Variants in ERP44 observed in about 807,000 individuals in gnomAD.
ERP44 encodes endoplasmic reticulum protein 44, also known as endoplasmic reticulum resident protein 44.
A neutral mutation model predicts 53.4 loss-of-function variants in ERP44; 25 were observed. The observed-to-expected ratio is 0.47, with a 90% CI of 0.34 to 0.65. The LOEUF is 0.65. Ranked by LOEUF, ERP44 falls within the 30% of genes least tolerant of loss-of-function variation. The pLI is 0.01. For missense variants in ERP44, 338 were observed against 493.2 expected (o/e 0.69, Z 2.98); for synonymous variants, 145 against 161.2 (o/e 0.90, Z 0.76).
At chr9:100,020,508 A>G (rs1830576285) in intron 6 of ERP44, 108 bp downstream of exon 6, 1 of 640,838 alleles carries the variant, frequency 1.6e-6, no homozygotes, top group African/African-American at 1.8e-5. Context: ...TTTTAAAAGG[A>G]TTGAGATCAT....
intron 10 of ERP44, chr9:99,998,271 C>G: frequency 3.0e-6 from 1 of 338,680 alleles, no homozygotes; most frequent in East Asian, 7.3e-5. Flanking sequence ...TACCCTCGCT[C>G]GTCCACGGAG....
intron 4 of ERP44, among the ~76,000 whole-genome samples, chr9:100,050,058 C>CA (rs1352303233): frequency 1.4e-5 from 2 of 145,584 alleles, no homozygotes; most frequent in African/African-American, 5.0e-5. Context: ...AAAACCCAGA[C>CA]AAAAAAAACC....
chr9:100,080,510 C>G (rs552311542), intron 1 of ERP44, among the ~76,000 whole-genome samples: 27 of 152,074 alleles, frequency 1.8e-4, no homozygotes, highest in Admixed American at 1.1e-3. Context: ...AAGATACATT[C>G]TGTCCTGCAA....
intron 11 of ERP44, among the ~76,000 whole-genome samples, chr9:99,983,235 A>G (rs886221459): frequency 3.9e-5 from 6 of 152,232 alleles, no homozygotes; most frequent in African/African-American, 1.4e-4. Context: ...TACCAAGAGC[A>G]GACAAAAATA....
At chr9:100,028,322 C>T (rs115443871) in intron 4 of ERP44, among the ~76,000 whole-genome samples, 276 of 152,274 alleles carry the variant, frequency 1.8e-3, no homozygotes, top group African/African-American at 6.3e-3. Flanking sequence ...AGAACCTGGT[C>T]CCACCAGGGG....
intron 1 of ERP44, among the ~76,000 whole-genome samples, chr9:100,068,358 GCCGCC>G: frequency 7.4e-6 from 1 of 135,642 alleles, no homozygotes. Context: ...CGCCCGGCCA[GCCGCC>G]CCGTCCGGGA....
chr9:100,010,783 C>T (rs901114841), intron 8 of ERP44, among the ~76,000 whole-genome samples: 1 of 151,754 alleles, frequency 6.6e-6, no homozygotes, highest in African/African-American at 2.4e-5. Context: ...CGCCTGTAAT[C>T]CCAGCTACTC....
chr9:100,034,939 ATCT>A (rs1294977804), intron 4 of ERP44, among the ~76,000 whole-genome samples: 1 of 152,160 alleles, frequency 6.6e-6, no homozygotes, highest in Non-Finnish European at 1.5e-5. Context: ...CAACCACCTG[ATCT>A]TCTACAAAAT....
rs991485294 is a variant in ERP44 at position 100,018,421 on chromosome 9, A to G, written c.588-108T>C. 12 of 708,600 alleles carry G rather than the reference A, an allele frequency of 1.7e-5. No individual in the cohort carries two copies. In the African/African-American group the frequency reaches 2.1e-4, roughly 13 times the overall value. 43.9% of individuals were successfully genotyped at this position (708,600 alleles called of 1,614,324 possible). ...CCATCATCTTCCCTATTACAAGACT[A>G]TGCAATACCAAGAAAAGTATACATT... On this transcript the variant is annotated intron_variant, in intron 6 of 11. Coordinates refer to ENST00000262455, the MANE Select transcript of ERP44 (RefSeq NM_015051.3).
chr9:100,047,915 A>G (rs1378660211), intron 4 of ERP44, among the ~76,000 whole-genome samples: 2 of 152,220 alleles, frequency 1.3e-5, no homozygotes, highest in African/African-American at 4.8e-5. Context: ...CTGATTTTAA[A>G]ATGGGCAAAG....
At chr9:100,063,087 A>AAAAAAAAAAAAAAAAAAAAAAAAAAAAC (rs1342665956) in intron 1 of ERP44, among the ~76,000 whole-genome samples, 1 of 148,518 alleles carries the variant, frequency 6.7e-6, no homozygotes, top group Non-Finnish European at 1.5e-5. Flanking sequence ...AAAAAAAAAA[A>AAAAAAAAAAAAAAAAAAAAAAAAAAAAC]AAAAAAGAGA....
chr9:100,051,258 C>CA (rs1376283376), intron 4 of ERP44, among the ~76,000 whole-genome samples: 10 of 152,178 alleles, frequency 6.6e-5, no homozygotes, highest in African/African-American at 2.4e-4. Context: ...CAGAAAAGAG[C>CA]AAATGAAGGC....
At chr9:100,000,426 A>T (rs1171511554) in intron 10 of ERP44, among the ~76,000 whole-genome samples, 2 of 127,136 alleles carry the variant, frequency 1.6e-5, no homozygotes, top group African/African-American at 6.8e-5. Context: ...ATAAAGCAAG[A>T]TCCTGTATCA....
intron 4 of ERP44, among the ~76,000 whole-genome samples, chr9:100,035,588 T>C (rs2118678832): frequency 6.6e-6 from 1 of 152,130 alleles, no homozygotes; most frequent in South Asian, 2.1e-4. Context: ...GGCAGGAGAA[T>C]TGCTTGAACC....
chr9:100,090,301 G>A (rs555946072), intron 1 of ERP44, among the ~76,000 whole-genome samples: 18 of 152,324 alleles, frequency 1.2e-4, no homozygotes, highest in African/African-American at 3.6e-4. Context: ...CAAAGGAACT[G>A]AGGATGTGCA....
chr9:100,040,118 C>G lies in ERP44; in HGVS notation c.286+12299G>C, dbSNP rs571382556. Among the ~76,000 whole-genome samples, 11 of 152,244 alleles carry G rather than the reference C, an allele frequency of 7.2e-5. No homozygotes were observed. In the South Asian group the frequency reaches 2.3e-3, roughly 32 times the overall value. On this transcript the variant is annotated intron_variant, in intron 4 of 11. Coordinates refer to ENST00000262455, the MANE Select transcript of ERP44 (RefSeq NM_015051.3). ...TAAGGAAGAACTGATACCAATCCTACTCAAACTATTCCAAAAAACAAAGGA... is the reference window on the plus strand; with the variant it reads ...TAAGGAAGAACTGATACCAATCCTAGTCAAACTATTCCAAAAAACAAAGGA...
At chr9:100,081,945 CAGTT>C (rs530750390) in intron 1 of ERP44, among the ~76,000 whole-genome samples, 435 of 152,046 alleles carry the variant, frequency 2.9e-3, no homozygotes, top group South Asian at 4.6e-3. Flanking sequence ...ACACCACAAA[CAGTT>C]AGAGACTGTG....
At chr9:100,050,539 A>G (rs1186150616) in intron 4 of ERP44, among the ~76,000 whole-genome samples, 2 of 152,244 alleles carry the variant, frequency 1.3e-5, no homozygotes, top group African/African-American at 4.8e-5. Flanking sequence ...TCTAATTGGC[A>G]CATAAGAGGT....
intron 3 of ERP44, among the ~76,000 whole-genome samples, chr9:100,055,427 C>G (rs2118711464): frequency 6.6e-6 from 1 of 152,338 alleles, no homozygotes; most frequent in South Asian, 2.1e-4. Context: ...GGCTGGAGTG[C>G]AACCGTGTGA....
Sources: gnomAD v4.1 joint callset for allele counts (sites outside exome capture counted in the v4.1 genomes callset) on GRCh38, gnomAD v4.1.1 for gene constraint, MANE v1.5 for transcripts, NCBI Gene and HGNC (gene_info 2026-07-23, HGNC 2026-07-21) for gene names.